The following MGST1 variants were observed in gnomAD, a reference collection of about 807,000 sequenced individuals.
The protein encoded by MGST1 is glutathione S-transferase 12.
A neutral mutation model predicts 8.9 loss-of-function variants in MGST1; 5 were observed. The ratio of observed to expected loss-of-function variants is 0.56; its 90% CI spans 0.29 to 1.19. MGST1 has a LOEUF of 1.19. Ranked by LOEUF, MGST1 falls within the 50% of genes most tolerant of loss-of-function variation. MGST1 has a pLI of 0.08. For synonymous variants in MGST1, 54 were observed against 67.8 expected, an observed-to-expected ratio of 0.80 and a Z score of 1.00; for missense variants, 182 against 187.4, an observed-to-expected ratio of 0.97 and a Z score of 0.17.
At chr12:16,467,397 A>G (rs1196800447) in intron 4 of MGST1, among the ~76,000 whole-genome samples, 1 of 152,206 alleles carries the variant, frequency 6.6e-6, no homozygotes, top group African/African-American at 2.4e-5. Flanking sequence ...ATCACATTCA[A>G]TATGTAAGTT....
intron 4 of MGST1, among the ~76,000 whole-genome samples, chr12:16,519,262 C>A (rs578161658): frequency 1.3e-5 from 2 of 152,180 alleles, no homozygotes; most frequent in Non-Finnish European, 2.9e-5. Flanking sequence ...CAGTTATTGA[C>A]TTATAACTAC....
At chr12:16,388,974 A>G (rs1454938947) in intron 1 of MGST1, among the ~76,000 whole-genome samples, 1 of 152,244 alleles carries the variant, frequency 6.6e-6, no homozygotes, top group Admixed American at 6.5e-5. Context: ...GGATGATCCC[A>G]GGAAGCAACA....
chr12:16,352,559 A>G (rs1422888174), intron 1 of MGST1, among the ~76,000 whole-genome samples: 1 of 152,218 alleles, frequency 6.6e-6, no homozygotes, highest in African/African-American at 2.4e-5. Context: ...GTTACAAAGA[A>G]TAATGGCAGA....
At chr12:16,572,791 C>T (rs1942860328) in intron 4 of MGST1, among the ~76,000 whole-genome samples, 1 of 150,882 alleles carries the variant, frequency 6.6e-6, no homozygotes, top group African/African-American at 2.4e-5. Flanking sequence ...AGACCAACCA[C>T]TTTGGGAAAA....
chr12:16,553,953 A>G (rs1942088472), intron 4 of MGST1, among the ~76,000 whole-genome samples: 2 of 152,076 alleles, frequency 1.3e-5, no homozygotes, highest in Admixed American at 1.3e-4. Flanking sequence ...AAAAATAAAC[A>G]TAATCTTTCT....
intron 4 of MGST1, among the ~76,000 whole-genome samples, chr12:16,463,232 G>T (rs904350891): frequency 6.6e-6 from 1 of 151,992 alleles, no homozygotes; most frequent in South Asian, 2.1e-4. Context: ...AACCTAGAGT[G>T]CAGTGGTGCT....
intron 4 of MGST1, among the ~76,000 whole-genome samples, chr12:16,491,441 G>A (rs371205416): frequency 2.0e-5 from 3 of 152,180 alleles, no homozygotes; most frequent in African/African-American, 7.2e-5. Context: ...GACAAGACCT[G>A]TATTCTGCTT....
At chr12:16,457,806 T>A (rs1195026616) in intron 4 of MGST1, among the ~76,000 whole-genome samples, 1 of 152,168 alleles carries the variant, frequency 6.6e-6, no homozygotes, top group Middle Eastern at 3.4e-3. Flanking sequence ...TTCATTATAA[T>A]AGACAGCTTT....
chr12:16,382,644 G>A (rs1591713000), upstream of MGST1, among the ~76,000 whole-genome samples: 1 of 152,324 alleles, frequency 6.6e-6, no homozygotes, highest in Non-Finnish European at 1.5e-5. Context: ...TGTGCTGGGA[G>A]AACCACTACT....
upstream of MGST1, among the ~76,000 whole-genome samples, chr12:16,347,347 C>A (rs558086534): frequency 5.9e-5 from 9 of 152,292 alleles, no homozygotes; most frequent in Non-Finnish European, 1.3e-4. This position sits in a 1 kb window ranked among gnomAD's most constrained non-coding sequence, Gnocchi z 4.0. Flanking sequence ...TTTTTAAAAA[C>A]AACTTCCAAA....
chr12:16,405,982 C>A (rs2137067657), intron 1 of MGST1, among the ~76,000 whole-genome samples: 1 of 152,296 alleles, frequency 6.6e-6, no homozygotes, highest in South Asian at 2.1e-4. Context: ...TGAAACCATT[C>A]CTCTTGAAAA....
intron 1 of MGST1, among the ~76,000 whole-genome samples, chr12:16,428,399 A>G (rs1421375060): frequency 1.3e-5 from 2 of 151,768 alleles, no homozygotes; most frequent in African/African-American, 4.8e-5. Context: ...TAACATTTCT[A>G]GATACATATT....
At chr12:16,499,336 T>C (rs886930883) in intron 4 of MGST1, among the ~76,000 whole-genome samples, 1 of 152,198 alleles carries the variant, frequency 6.6e-6, no homozygotes, top group Non-Finnish European at 1.5e-5. Context: ...GAATATTTAA[T>C]TTTTCAGGCA....
chr12:16,518,500 C>T (rs538616862), intron 4 of MGST1, among the ~76,000 whole-genome samples: 1 of 152,124 alleles, frequency 6.6e-6, no homozygotes, highest in Admixed American at 6.5e-5. Context: ...TTATTTGTTC[C>T]CTCTTTTTTA....
intron 1 of MGST1, among the ~76,000 whole-genome samples, chr12:16,433,369 C>T (rs535916879): frequency 1.3e-5 from 2 of 152,148 alleles, no homozygotes; most frequent in Admixed American, 6.5e-5. Context: ...TACTTGGCAT[C>T]CTTCAATCCA....
At chr12:16,475,964 A>C (rs1941320113) in intron 4 of MGST1, among the ~76,000 whole-genome samples, 1 of 152,078 alleles carries the variant, frequency 6.6e-6, no homozygotes, top group Admixed American at 6.6e-5. Context: ...TGAAAAGAAA[A>C]AAAAAAAATA....
intron 4 of MGST1, among the ~76,000 whole-genome samples, chr12:16,509,548 G>A (rs7980513): frequency 0.99 from 150,445 of 152,336 alleles, 74,326 homozygotes; most frequent in East Asian, 1. Flanking sequence ...TGAGATAGAT[G>A]TGTAAACTGG....
At chr12:16,370,340 CTG>C (rs2137020918) in intron 3 of MGST1, 1 of 152,264 alleles carries the variant, frequency 6.6e-6, no homozygotes, top group East Asian at 1.9e-4. Context: ...GGTTCCCAAA[CTG>C]TGCCCAGTCT....
downstream of MGST1, among the ~76,000 whole-genome samples, chr12:16,378,090 G>T (rs1247125587): frequency 6.6e-6 from 1 of 152,038 alleles, no homozygotes; most frequent in Non-Finnish European, 1.5e-5. Flanking sequence ...CTGCCATTCT[G>T]TAGGTTGCCT....
Sources: allele counts gnomAD v4.1 joint callset (sites outside exome capture counted in the v4.1 genomes callset), GRCh38; gene constraint gnomAD v4.1.1; non-coding constraint Gnocchi (gnomAD v3.1); transcripts MANE v1.5; gene names NCBI Gene and HGNC (gene_info 2026-07-23, HGNC 2026-07-21).